IRAK3: variants seen among roughly 807,000 people sequenced by gnomAD.
IRAK3 encodes interleukin 1 receptor associated kinase 3.
In IRAK3, 57 loss-of-function variants were observed where a neutral mutation model predicts 56.6. The ratio of observed to expected loss-of-function variants is 1.01; its 90% CI spans 0.81 to 1.26. The LOEUF (loss-of-function observed/expected upper bound fraction) is 1.26. Ranked by LOEUF, IRAK3 falls within the 50% of genes most tolerant of loss-of-function variation. The pLI is 0.00. For synonymous variants in IRAK3, 258 were observed against 255.7 expected (o/e 1.01, Z -0.09); for missense variants, 703 against 719.0 (o/e 0.98, Z 0.25).
At chr12:66,214,097 G>A (rs2052640748) in intron 5 of IRAK3, among the ~76,000 whole-genome samples, 1 of 152,108 alleles carries the variant, frequency 6.6e-6, no homozygotes, top group African/African-American at 2.4e-5. Context: ...GAGGATGCTG[G>A]AAAGATATTA....
At chr12:66,203,668 AAGTAC>A in intron 1 of IRAK3, 38 bp from the exon 2 acceptor site, 1 of 1,552,680 alleles carries the variant, frequency 6.4e-7, no homozygotes. Context: ...ATTTTGATAA[AAGTAC>A]AGTAAACAAT....
In IRAK3 at chr12:66,248,997, C is replaced by T. The variant is rs1192616590; in HGVS notation, c.*826C>T. 6.6e-6 allele frequency: 1 copy of T among 152,230 alleles called. No homozygotes were observed. The highest frequency in any genetic ancestry group is 1.5e-5 in the Non-Finnish European group (1 of 68,054). 9.4% of individuals were successfully genotyped at this position (152,230 alleles called of 1,614,324 possible). ...TTCCTGCTGTTTCTTGGATCTCCCTCTTTTGAAATCCTACCAATCATCAGA... is the reference window on the plus strand; with the variant it reads ...TTCCTGCTGTTTCTTGGATCTCCCTTTTTTGAAATCCTACCAATCATCAGA... On this transcript the variant is annotated 3_prime_UTR_variant, in exon 12 of 12. Coordinates refer to ENST00000261233, the MANE Select transcript of IRAK3 (RefSeq NM_007199.3).
At chr12:66,199,975 T>C (rs1303773619) in intron 1 of IRAK3, among the ~76,000 whole-genome samples, 2 of 152,214 alleles carry the variant, frequency 1.3e-5, no homozygotes, top group African/African-American at 4.8e-5. Context: ...GAGGAATGAA[T>C]ATATTCTTGC....
At chr12:66,215,786 GCACACACACACACA>G (rs71096080) in intron 5 of IRAK3, among the ~76,000 whole-genome samples, 2 of 122,834 alleles carry the variant, frequency 1.6e-5, no homozygotes, top group South Asian at 5.8e-4. Context: ...AACCCAACAT[GCACACACACACACA>G]CACACACACA....
At chr12:66,207,455 A>T (rs1347905669) in intron 2 of IRAK3, among the ~76,000 whole-genome samples, 1 of 145,278 alleles carries the variant, frequency 6.9e-6, no homozygotes, top group African/African-American at 2.5e-5. Context: ...CTGGTTGACA[A>T]AGTGAGACTC....
intron 5 of IRAK3, among the ~76,000 whole-genome samples, chr12:66,212,276 T>G (rs1411898968): frequency 6.6e-6 from 1 of 152,150 alleles, no homozygotes; most frequent in African/African-American, 2.4e-5. Flanking sequence ...CTTTATAAAT[T>G]GTCTTCTATC....
chr12:66,204,786 A>G (rs201789570), intron 2 of IRAK3, among the ~76,000 whole-genome samples: 49,351 of 134,684 alleles, frequency 0.37, 8,196 homozygotes, highest in East Asian at 0.55. Flanking sequence ...GCGCACACAC[A>G]CACACACACA....
chr12:66,254,106 A>G lies in IRAK3; in HGVS notation c.*5935A>G, dbSNP rs539583718. 91 of 152,300 alleles carry G rather than the reference A, an allele frequency of 6.0e-4. No individual in the cohort carries two copies. The Middle Eastern group carries it at 0.017, about 28-fold the overall frequency. The allele number at this position is 152,300 out of a possible 1,614,324, so 9.4% of individuals were successfully genotyped here. On this transcript the variant is annotated 3_prime_UTR_variant, in exon 12 of 12. Transcript: ENST00000261233. ...ACTGGCAGGAGTGAAAATTGGTAGA[A>G]CCTTTCTAGAAGGCAATTTGGCAAC...
At chr12:66,211,126 C>T (rs1358538516) in intron 4 of IRAK3, among the ~76,000 whole-genome samples, 3 of 152,172 alleles carry the variant, frequency 2.0e-5, no homozygotes, top group African/African-American at 7.2e-5. Context: ...CATAGTGGGT[C>T]AACAGCAACA....
chr12:66,247,552 T>C (rs2053047510), intron 11 of IRAK3, 143 bp from the exon 12 acceptor site: 2 of 649,296 alleles, frequency 3.1e-6, no homozygotes, highest in Non-Finnish European at 2.7e-6. Flanking sequence ...TAGCTAATCT[T>C]TAAGATCCCT....
chr12:66,229,960 G>A (rs188909530), intron 8 of IRAK3, among the ~76,000 whole-genome samples: 2 of 152,306 alleles, frequency 1.3e-5, no homozygotes, highest in Admixed American at 6.5e-5. Context: ...TTCCTTTTGT[G>A]TGACTGAGTT....
chr12:66,193,932 CTGT>C (rs1238148606), intron 1 of IRAK3, among the ~76,000 whole-genome samples: 1 of 152,050 alleles, frequency 6.6e-6, no homozygotes, highest in East Asian at 1.9e-4. Context: ...TTTTGTGTTG[CTGT>C]TGTTGTTTTG....
chr12:66,241,296 T>C (rs1414947556), intron 8 of IRAK3, among the ~76,000 whole-genome samples: 20 of 152,166 alleles, frequency 1.3e-4, no homozygotes, highest in Admixed American at 1.3e-3. Flanking sequence ...TGTAGAAGCA[T>C]GAAATTGAGG....
Position 66,245,689 on chromosome 12 carries a change from C to A in IRAK3, c.1314+427C>A, listed in dbSNP as rs536830430. Among the ~76,000 whole-genome samples the A allele has an allele frequency of 4.6e-5, 7 of 151,818 alleles. No homozygotes were observed. The South Asian group carries it at 1.5e-3, about 32-fold the overall frequency. On this transcript the variant is annotated intron_variant, in intron 11 of 11. Coordinates refer to ENST00000261233, the MANE Select transcript of IRAK3 (RefSeq NM_007199.3). ...TGGGATTATTAGGCACGAGCCACCA[C>A]GCCTGGCTAATTTTTGTATTTTTAA...
intron 8 of IRAK3, chr12:66,234,422 T>C: frequency 6.2e-7 from 1 of 1,611,012 alleles, no homozygotes; most frequent in Non-Finnish European, 8.5e-7. Flanking sequence ...AGATACAATA[T>C]AGGGTGTAAT....
chr12:66,224,959 T>C (rs1186172145), intron 6 of IRAK3, among the ~76,000 whole-genome samples: 1 of 152,176 alleles, frequency 6.6e-6, no homozygotes, highest in African/African-American at 2.4e-5. Flanking sequence ...TAGCAAAAGA[T>C]TGGGTGGCAT....
At chr12:66,214,638 G>T (rs189017391) in intron 5 of IRAK3, among the ~76,000 whole-genome samples, 1 of 152,156 alleles carries the variant, frequency 6.6e-6, no homozygotes, top group East Asian at 1.9e-4. Context: ...AATGGACAGG[G>T]TATAAACCCG....
chr12:66,190,019 G>GA (rs2052384663), intron 1 of IRAK3, among the ~76,000 whole-genome samples: 1 of 152,174 alleles, frequency 6.6e-6, no homozygotes, highest in African/African-American at 2.4e-5. Flanking sequence ...ATTGGCTTCA[G>GA]AACTGTATTT....
rs1373066787 is a variant in IRAK3, at chr12:66,251,351, A to G, written c.*3180A>G. On this transcript the variant is annotated 3_prime_UTR_variant, in exon 12 of 12. Transcript: ENST00000261233. ...TAAATGTTGCAACTTTCTATGGGTAATAAGAGGATACCTTTATAGTTTCAT... is the reference window on the plus strand; with the variant it reads ...TAAATGTTGCAACTTTCTATGGGTAGTAAGAGGATACCTTTATAGTTTCAT... 1 of 152,204 alleles carries G rather than the reference A, an allele frequency of 6.6e-6. No individual in the cohort carries two copies. Among genetic ancestry groups the G allele is most frequent in the Non-Finnish European group, 1.5e-5 (1 of 68,032 alleles). 9.4% of individuals were successfully genotyped at this position (152,204 alleles called of 1,614,324 possible). A position where few individuals can be genotyped will look rare whatever the true frequency, so the allele number is the denominator to read the frequency against.
Sources: gnomAD v4.1 joint callset for allele counts (sites outside exome capture counted in the v4.1 genomes callset) on GRCh38, gnomAD v4.1.1 for gene constraint, MANE v1.5 for transcripts, NCBI Gene and HGNC (gene_info 2026-07-23, HGNC 2026-07-21) for gene names.